Variants in NRXN3 observed in about 807,000 individuals in gnomAD.
NRXN3 encodes neurexin III.
NRXN3 carries 32 observed loss-of-function variants against 137.6 expected under a neutral mutation model. The observed-to-expected ratio is 0.23, with a 90% CI of 0.18 to 0.31. The LOEUF (loss-of-function observed/expected upper bound fraction) is 0.31. Ranked by LOEUF, NRXN3 falls within the 10% of genes least tolerant of loss-of-function variation. The probability of loss-of-function intolerance (pLI) is 1.00; values close to 1 mark genes in which losing one functional copy is unlikely to be tolerated. For missense variants in NRXN3, 1,574 were observed against 2,062.5 expected, an observed-to-expected ratio of 0.76 and a Z score of 4.59; for synonymous variants, 798 against 784.5, an observed-to-expected ratio of 1.02 and a Z score of -0.29.
At chr14:78,628,381 A>G (rs75152417) in intron 4 of NRXN3, among the ~76,000 whole-genome samples, 2,040 of 152,238 alleles carry the variant, frequency 0.013, 27 homozygotes, top group Non-Finnish European at 0.017. Flanking sequence ...TTTCAAAACA[A>G]TTTTTTTATA....
rs1162153685 is a variant in NRXN3 at position 79,617,917 on chromosome 14, C to CAAAAAAAAAAAAAA, written c.3445-45859_3445-45846dup. ...TTCAGAGATAGGAGCTGAATAGCAG[C>CAAAAAAAAAAAAAA]AAAAAAAAAAAAAAACATGCTTATG... On this transcript the variant is annotated intron_variant, in intron 16 of 20. Transcript: ENST00000335750. Among the ~76,000 whole-genome samples, 173 of 91,242 alleles carry CAAAAAAAAAAAAAA rather than the reference C, an allele frequency of 1.9e-3. 8 individuals carry two copies. The highest frequency in any genetic ancestry group is 7.0e-3 in the African/African-American group (120 of 17,210). 59.9% of individuals were successfully genotyped at this position (91,242 alleles called of 152,430 possible). A position where few individuals can be genotyped will look rare whatever the true frequency, so the allele number is the denominator to read the frequency against.
intron 15 of NRXN3, among the ~76,000 whole-genome samples, chr14:79,234,345 T>TTATATATATATATAA (rs1463036536): frequency 3.4e-4 from 36 of 106,310 alleles, no homozygotes; most frequent in African/African-American, 1.3e-3. Flanking sequence ...TATATAATAT[T>TTATATATATATATAA]TATATATATA....
At chr14:78,456,592 C>G (rs1047153684) in intron 4 of NRXN3, among the ~76,000 whole-genome samples, 2 of 152,108 alleles carry the variant, frequency 1.3e-5, no homozygotes, top group Non-Finnish European at 2.9e-5. Context: ...CTTCATCCGG[C>G]TTTCTCTTAC....
intron 16 of NRXN3, among the ~76,000 whole-genome samples, chr14:79,623,924 G>A (rs2098253489): frequency 1.1e-5 from 1 of 91,126 alleles, no homozygotes; most frequent in Non-Finnish European, 2.1e-5. Flanking sequence ...GATTGTATTT[G>A]TTAATCATTC....
At chr14:79,793,650 GA>G (rs768230536) in intron 19 of NRXN3, among the ~76,000 whole-genome samples, 4 of 151,612 alleles carry the variant, frequency 2.6e-5, no homozygotes, top group East Asian at 1.9e-4. Flanking sequence ...CAAAAATCCA[GA>G]AAAAAAAGTG....
At chr14:79,663,225 T>C (rs2098542501) in intron 16 of NRXN3, among the ~76,000 whole-genome samples, 1 of 151,578 alleles carries the variant, frequency 6.6e-6, no homozygotes, top group African/African-American at 2.4e-5. Flanking sequence ...AGAACCATTA[T>C]GTGCATGTGT....
At chr14:78,477,690 C>T (rs2095403883) in intron 4 of NRXN3, among the ~76,000 whole-genome samples, 1 of 152,096 alleles carries the variant, frequency 6.6e-6, no homozygotes, top group South Asian at 2.1e-4. Flanking sequence ...GATTTGGTTT[C>T]TTATGATAAA....
chr14:78,494,354 T>C (rs1393740662), intron 4 of NRXN3, among the ~76,000 whole-genome samples: 3 of 152,106 alleles, frequency 2.0e-5, no homozygotes, highest in Non-Finnish European at 4.4e-5. Flanking sequence ...AAACCCATAT[T>C]TGGCGTGTTT....
intron 6 of NRXN3, among the ~76,000 whole-genome samples, chr14:78,665,007 A>G (rs547974303): frequency 6.6e-6 from 1 of 152,342 alleles, no homozygotes; most frequent in South Asian, 2.1e-4. Context: ...TATTCATGGA[A>G]TGCCTACTCT....
intron 8 of NRXN3, among the ~76,000 whole-genome samples, chr14:78,776,405 C>G (rs1402539642): frequency 2.6e-5 from 4 of 151,906 alleles, no homozygotes; most frequent in Non-Finnish European, 1.5e-5. Flanking sequence ...TCTAAATGGT[C>G]TCGTAATTTT....
chr14:78,314,301 C>T (rs1020005470), intron 4 of NRXN3, among the ~76,000 whole-genome samples: 2 of 152,170 alleles, frequency 1.3e-5, no homozygotes, highest in East Asian at 1.9e-4. Flanking sequence ...GTATATTACT[C>T]AGGGCAGGCT....
At chr14:78,812,543 A>G (rs1233709040) in intron 10 of NRXN3, among the ~76,000 whole-genome samples, 1 of 152,336 alleles carries the variant, frequency 6.6e-6, no homozygotes, top group East Asian at 1.9e-4. Flanking sequence ...TCATGAAGTC[A>G]ATCCCATATA....
chr14:78,379,253 T>C (rs1351282383), intron 4 of NRXN3, among the ~76,000 whole-genome samples: 2 of 152,196 alleles, frequency 1.3e-5, no homozygotes, highest in Non-Finnish European at 2.9e-5. Context: ...ATCTCTTCCC[T>C]ATTTATTTTA....
intron 16 of NRXN3, among the ~76,000 whole-genome samples, chr14:79,485,917 G>T (rs1365902977): frequency 6.6e-6 from 1 of 152,080 alleles, no homozygotes; most frequent in Non-Finnish European, 1.5e-5. Context: ...GCTTGAACGT[G>T]TCCTTTAGAG....
chr14:79,679,186 T>C (rs1250089659), intron 17 of NRXN3, among the ~76,000 whole-genome samples: 1 of 152,106 alleles, frequency 6.6e-6, no homozygotes, highest in Non-Finnish European at 1.5e-5. Flanking sequence ...GGTGCAAGGT[T>C]CTATGGCACA....
At position 79,868,270 on chromosome 14, in the gene NRXN3, A is replaced by T. The variant is rs1209138265; in HGVS notation, c.*6306A>T. 2 of 152,238 alleles carry T rather than the reference A, an allele frequency of 1.3e-5. No homozygotes were observed. The highest frequency in any genetic ancestry group is 4.8e-5 in the African/African-American group (2 of 41,468). 9.4% of individuals were successfully genotyped at this position (152,238 alleles called of 1,614,324 possible). ...AACCAGGACCAAAAAGTTAATAAAA[A>T]TACGAAAGTTTGGCACTCTTAGTTT... On this transcript the variant is annotated 3_prime_UTR_variant, in exon 21 of 21. Transcript: ENST00000335750.
chr14:79,859,693 A>T (rs1371573341), intron 20 of NRXN3, among the ~76,000 whole-genome samples: 1 of 152,100 alleles, frequency 6.6e-6, no homozygotes, highest in African/African-American at 2.4e-5. Flanking sequence ...TGATTATACT[A>T]TCACAGCAAA....
chr14:79,437,367 A>T (rs181878641), intron 15 of NRXN3, among the ~76,000 whole-genome samples: 1 of 150,676 alleles, frequency 6.6e-6, no homozygotes, highest in Non-Finnish European at 1.5e-5. Flanking sequence ...TCCCCGGGCT[A>T]TTTTGCAAGT....
intron 16 of NRXN3, chr14:79,661,516 A>AGAAGT (rs1251061717): frequency 2.0e-5 from 3 of 152,188 alleles, no homozygotes; most frequent in Admixed American, 6.5e-5. Flanking sequence ...TTTTGGGAAA[A>AGAAGT]GAAGTGAAGT....
Sources: allele counts gnomAD v4.1 joint callset (sites outside exome capture counted in the v4.1 genomes callset), GRCh38; gene constraint gnomAD v4.1.1; transcripts MANE v1.5; gene names NCBI Gene and HGNC (gene_info 2026-07-23, HGNC 2026-07-21).